Variants in MTOR observed in about 807,000 individuals in gnomAD.
MTOR encodes the protein serine/threonine-protein kinase mTOR.
MTOR carries 70 observed loss-of-function variants against 319.8 expected under a neutral mutation model. The observed-to-expected ratio is 0.22, with a 90% CI of 0.18 to 0.27. MTOR has a LOEUF of 0.27. Ranked by LOEUF, MTOR falls within the 10% of genes least tolerant of loss-of-function variation. MTOR has a pLI of 1.00. For synonymous variants in MTOR, 1,183 were observed against 1,211.4 expected, an observed-to-expected ratio of 0.98 and a Z score of 0.49; for missense variants, 1,890 against 3,274.4, an observed-to-expected ratio of 0.58 and a Z score of 10.32.
Position 11,248,097 on chromosome 1 carries a change from A to G in MTOR, c.841-3T>C, listed in dbSNP as rs1169667097. ...TCTTCCATTTCTTCTCTCAGACGCT[A>G]TATATATGAGGAGGAAAAAAATCAT... On this transcript the variant is annotated splice_region_variant and splice_polypyrimidine_tract_variant and intron_variant, in intron 6 of 57. Coordinates refer to ENST00000361445, the MANE Select transcript of MTOR (RefSeq NM_004958.4). The G allele has an allele frequency of 6.3e-7, 1 of 1,590,806 alleles. No homozygotes were observed. Among genetic ancestry groups the G allele is most frequent in the East Asian group, 2.3e-5 (1 of 44,436 alleles).
intron 32 of MTOR, 55 bp from the exon 33 acceptor site, chr1:11,145,100 T>C (rs1643889601): frequency 8.8e-6 from 13 of 1,473,322 alleles, no homozygotes; most frequent in Non-Finnish European, 1.2e-5. Context: ...CTTAGGGTTA[T>C]TTTAGGGCAC....
chr1:11,149,933 C>T (rs572318104), intron 31 of MTOR, among the ~76,000 whole-genome samples, 193 bp downstream of exon 31: 10 of 152,186 alleles, frequency 6.6e-5, no homozygotes, highest in South Asian at 2.1e-4. Flanking sequence ...CAATTTTCCC[C>T]ATGTCTAACA....
At chr1:11,192,674 G>A (rs1246394468) in intron 28 of MTOR, among the ~76,000 whole-genome samples, 1 of 150,476 alleles carries the variant, frequency 6.6e-6, no homozygotes, top group Admixed American at 6.6e-5. Context: ...GAACTCAGGA[G>A]GCAGAGGTTG....
At chr1:11,240,569 A>C (rs369793627) in intron 10 of MTOR, 22 bp from the exon 11 acceptor site, 20 of 1,609,908 alleles carry the variant, frequency 1.2e-5, no homozygotes, top group Non-Finnish European at 1.6e-5. Context: ...GAAACAAGTC[A>C]CATAAGGGCT....
intron 57 of MTOR, 83 bp from the exon 58 acceptor site, chr1:11,107,583 C>G (rs1641639134): frequency 6.7e-7 from 1 of 1,498,638 alleles, no homozygotes; most frequent in South Asian, 1.2e-5. Flanking sequence ...AATGAAAAGG[C>G]CAAGGTCTGA....
chr1:11,107,853 C>T lies in MTOR; in HGVS notation c.7634+328G>A, dbSNP rs12117270. 0.059 allele frequency among the ~76,000 whole-genome samples: 9,000 copies of T among 152,264 alleles called. 375 individuals carry two copies. Among genetic ancestry groups the T allele is most frequent in the South Asian group, 0.12 (599 of 4,830 alleles). ...CACTGCTCTAGCTTTTTCTTTCCTT[C>T]GCCCTTCCTGTATCTCTGCACTGGA... is the stretch of plus-strand genomic sequence containing the variant. On this transcript the variant is annotated intron_variant, in intron 57 of 57. Coordinates refer to ENST00000361445, the MANE Select transcript of MTOR (RefSeq NM_004958.4).
At chr1:11,164,906 C>T (rs1003275626) in intron 29 of MTOR, among the ~76,000 whole-genome samples, 49 of 152,190 alleles carry the variant, frequency 3.2e-4, no homozygotes, top group African/African-American at 1.2e-3. Flanking sequence ...CAACCATGAT[C>T]AAGTGGGCTT....
chr1:11,198,594 T>C (rs568788345), intron 28 of MTOR, among the ~76,000 whole-genome samples: 4 of 152,346 alleles, frequency 2.6e-5, no homozygotes, highest in Non-Finnish European at 5.9e-5. Context: ...GATCCCGAAG[T>C]TGATATTCTC....
At chr1:11,228,957 G>A (rs2100857554) in intron 18 of MTOR, 39 bp from the exon 19 acceptor site, 12 of 1,605,952 alleles carry the variant, frequency 7.5e-6, no homozygotes, top group Non-Finnish European at 9.4e-6. Context: ...GCTACACATG[G>A]CATGACGTGA....
chr1:11,121,202 G>C lies in MTOR; in HGVS notation c.6933+44C>G. On this transcript the variant is annotated intron_variant, in intron 49 of 57. Transcript: ENST00000361445. The surrounding 1 kb of genome is among the most constrained non-coding windows in gnomAD (Gnocchi z 4.9). ...ATGGGAGGGCCATCCTATTGCGAGT[G>C]GGGGTTCCAGGAGAGCGCAGGTCTG... The C allele has an allele frequency of 6.2e-7, 1 of 1,607,914 alleles. No individual in the cohort carries two copies. The highest frequency in any genetic ancestry group is 8.5e-7 in the Non-Finnish European group (1 of 1,179,168).
intron 28 of MTOR, chr1:11,192,300 A>G (rs200058074): frequency 4.3e-4 from 686 of 1,613,992 alleles, no homozygotes; most frequent in Admixed American, 5.3e-4. Context: ...TCCCTCTACC[A>G]GAAGAACTAC....
At chr1:11,130,897 A>G (rs1004977195) in intron 38 of MTOR, 120 bp from the exon 39 acceptor site, 2 of 1,302,680 alleles carry the variant, frequency 1.5e-6, no homozygotes, top group Non-Finnish European at 2.1e-6. Flanking sequence ...TCCATAAAGC[A>G]AACACTTCAA....
At chr1:11,247,483 T>C (rs1343061431) in intron 8 of MTOR, 142 bp downstream of exon 8, 3 of 701,982 alleles carry the variant, frequency 4.3e-6, no homozygotes, top group Non-Finnish European at 7.2e-6. Flanking sequence ...CTGAACTAAA[T>C]AGCATTGAAA....
At position 11,119,573 on chromosome 1, in the gene MTOR, G is replaced by GAAAAA. The variant is rs555425607; in HGVS notation, c.6933+1668_6933+1672dup. Among the ~76,000 whole-genome samples the GAAAAA allele has an allele frequency of 3.6e-4, 9 of 24,864 alleles. 1 individual carries two copies. Among genetic ancestry groups the GAAAAA allele is most frequent in the African/African-American group, 1.4e-3 (7 of 4,926 alleles). 16.3% of individuals were successfully genotyped at this position (24,864 alleles called of 152,430 possible). On this transcript the variant is annotated intron_variant, in intron 49 of 57. Transcript: ENST00000361445. ...GTGACAGACTGAGATTCCGTCTCGAGAAAAAAAAAAAAAAAAAAAAAAAAA... is the reference window on the plus strand; with the variant it reads ...GTGACAGACTGAGATTCCGTCTCGAGAAAAAAAAAAAAAAAAAAAAAAAAAAAAAA...
At chr1:11,167,595 T>C (rs1257658364) in intron 28 of MTOR, 78 bp from the exon 29 acceptor site, 10 of 1,077,040 alleles carry the variant, frequency 9.3e-6, no homozygotes, top group East Asian at 7.1e-5. Context: ...TGTGGGCAGA[T>C]GGTTCACCAG....
At chr1:11,183,116 G>C (rs1273163100) in intron 28 of MTOR, among the ~76,000 whole-genome samples, 2 of 152,158 alleles carry the variant, frequency 1.3e-5, no homozygotes, top group East Asian at 1.9e-4. Context: ...CACAATCTCT[G>C]TCAACATTTG....
intron 6 of MTOR, among the ~76,000 whole-genome samples, chr1:11,250,671 C>G (rs538996669): frequency 6.6e-6 from 1 of 152,244 alleles, no homozygotes; most frequent in African/African-American, 2.4e-5. Flanking sequence ...GCTGACAATG[C>G]CCAAATCCAT....
At chr1:11,249,981 C>G (rs1475958735) in intron 6 of MTOR, among the ~76,000 whole-genome samples, 1 of 150,736 alleles carries the variant, frequency 6.6e-6, no homozygotes. Context: ...CTCCTCACTT[C>G]CCAGCAGGGG....
intron 34 of MTOR, among the ~76,000 whole-genome samples, chr1:11,141,238 C>T (rs757158844): frequency 1.3e-4 from 20 of 152,120 alleles, no homozygotes; most frequent in Non-Finnish European, 5.9e-5. Context: ...GCCTCAACCT[C>T]CTGAGTAGCT....
Sources: allele counts gnomAD v4.1 joint callset (sites outside exome capture counted in the v4.1 genomes callset), GRCh38; gene constraint gnomAD v4.1.1; non-coding constraint Gnocchi (gnomAD v3.1); transcripts MANE v1.5; gene names NCBI Gene and HGNC (gene_info 2026-07-23, HGNC 2026-07-21).